Variants in TCP11L2 observed in about 807,000 individuals in gnomAD.
TCP11L2 encodes the protein T-complex protein 11-like protein 2.
In TCP11L2, 39 loss-of-function variants were observed where a neutral mutation model predicts 50.7. The ratio of observed to expected loss-of-function variants is 0.77; its 90% CI spans 0.60 to 1.01. TCP11L2 has a LOEUF of 1.01. Ranked by LOEUF, TCP11L2 falls within the 50% of genes least tolerant of loss-of-function variation. TCP11L2 has a pLI of 0.00. For missense variants in TCP11L2, 612 were observed against 614.7 expected, an observed-to-expected ratio of 1.00 and a Z score of 0.05; for synonymous variants, 192 against 219.3, an observed-to-expected ratio of 0.88 and a Z score of 1.10.
intron 1 of TCP11L2, chr12:106,303,692 A>C (rs1198938643): frequency 6.6e-6 from 1 of 152,236 alleles, no homozygotes; most frequent in Non-Finnish European, 1.5e-5. Context: ...GAACATAGTT[A>C]CTTGTTTTCG....
At chr12:106,321,089 G>GA (rs1264202853) in intron 4 of TCP11L2, among the ~76,000 whole-genome samples, 2 of 152,180 alleles carry the variant, frequency 1.3e-5, no homozygotes, top group African/African-American at 2.4e-5. Context: ...ATATGCCATA[G>GA]AAACTTAACC....
At chr12:106,326,081 C>A (rs2136736208) in intron 6 of TCP11L2, among the ~76,000 whole-genome samples, 1 of 152,242 alleles carries the variant, frequency 6.6e-6, no homozygotes, top group South Asian at 2.1e-4. Flanking sequence ...CTGCAAGAGG[C>A]TGGCTAACTG....
chr12:106,316,420 T>C (rs1209777424), intron 3 of TCP11L2, among the ~76,000 whole-genome samples: 1 of 152,130 alleles, frequency 6.6e-6, no homozygotes, highest in Non-Finnish European at 1.5e-5. Context: ...CCCTCCTGCT[T>C]GCTGTGCTTC....
upstream of TCP11L2, among the ~76,000 whole-genome samples, chr12:106,300,493 C>G (rs1469464172): frequency 6.6e-6 from 1 of 152,132 alleles, no homozygotes; most frequent in African/African-American, 2.4e-5. Context: ...CCACGCCCAG[C>G]TAATTTTTTT....
intron 6 of TCP11L2, chr12:106,329,700 T>G (rs1209040226): frequency 9.0e-7 from 1 of 1,114,134 alleles, no homozygotes; most frequent in Non-Finnish European, 1.1e-6. Flanking sequence ...CTAAATGGGC[T>G]CTTAAATGTG....
At chr12:106,317,506 ACT>A (rs1257889443) in intron 3 of TCP11L2, among the ~76,000 whole-genome samples, 3 of 152,120 alleles carry the variant, frequency 2.0e-5, no homozygotes, top group Non-Finnish European at 4.4e-5. Flanking sequence ...ACAGAGTGAG[ACT>A]CTGTCTCAGA....
chr12:106,328,900 C>T (rs1421507708), intron 6 of TCP11L2, among the ~76,000 whole-genome samples: 2 of 152,166 alleles, frequency 1.3e-5, no homozygotes, highest in African/African-American at 2.4e-5. Flanking sequence ...ACACTCTCAC[C>T]ACTCAGATCC....
chr12:106,304,608 A>G (rs904675708), intron 1 of TCP11L2, among the ~76,000 whole-genome samples: 1 of 152,012 alleles, frequency 6.6e-6, no homozygotes, highest in Non-Finnish European at 1.5e-5. Context: ...TCCCTTTACT[A>G]CACATATGTG....
intron 9 of TCP11L2, 22 bp downstream of exon 9, chr12:106,341,020 T>C: frequency 6.3e-7 from 1 of 1,581,350 alleles, no homozygotes; most frequent in Non-Finnish European, 8.6e-7. Flanking sequence ...TATTGATTTC[T>C]GCTTCAATTC....
At chr12:106,335,565 C>T in intron 6 of TCP11L2, 74 bp from the exon 7 acceptor site, 2 of 1,476,318 alleles carry the variant, frequency 1.4e-6, no homozygotes, top group Non-Finnish European at 1.9e-6. Context: ...CCCAACACAG[C>T]ATCTGTCAAG....
intron 6 of TCP11L2, chr12:106,329,641 G>T (rs1025270388): frequency 9.2e-5 from 118 of 1,284,904 alleles, no homozygotes; most frequent in Non-Finnish European, 1.2e-4. Context: ...TCTAAAGTCA[G>T]CCAGGATTGA....
intron 8 of TCP11L2, 117 bp downstream of exon 8, chr12:106,336,330 G>A: frequency 1.1e-6 from 1 of 926,716 alleles, no homozygotes; most frequent in East Asian, 2.7e-5. Context: ...CTTTAGAGAA[G>A]CTTATCTTAC....
upstream of TCP11L2, among the ~76,000 whole-genome samples, chr12:106,298,711 T>C (rs1278568577): frequency 6.6e-6 from 1 of 151,748 alleles, no homozygotes; most frequent in Non-Finnish European, 1.5e-5. Context: ...TTAGTAGAGA[T>C]GAGGTTTTGC....
At chr12:106,325,898 A>AAG (rs1264178352) in intron 6 of TCP11L2, 1 of 151,116 alleles carries the variant, frequency 6.6e-6, no homozygotes, top group East Asian at 1.9e-4. Flanking sequence ...CTCGGAAAAA[A>AAG]AAAAAAAAAA....
chr12:106,310,951 G>T, intron 1 of TCP11L2, 90 bp from the exon 2 acceptor site: 1 of 1,199,690 alleles, frequency 8.3e-7, no homozygotes, highest in African/African-American at 1.5e-5. Context: ...AGTGACACTT[G>T]TGGGGACAGT....
upstream of TCP11L2, among the ~76,000 whole-genome samples, chr12:106,302,489 G>T (rs2034454225): frequency 6.7e-6 from 1 of 150,052 alleles, no homozygotes; most frequent in African/African-American, 2.5e-5. Context: ...TCGGCTCGGC[G>T]GCCTCAGTTC....
intron 6 of TCP11L2, among the ~76,000 whole-genome samples, chr12:106,331,358 C>A (rs946507421): frequency 2.0e-5 from 3 of 151,948 alleles, no homozygotes; most frequent in African/African-American, 7.3e-5. Context: ...GCCAAGTTCC[C>A]AAAAAAGCTC....
At chr12:106,318,918 T>C (rs1441828555) in intron 4 of TCP11L2, among the ~76,000 whole-genome samples, 2 of 151,492 alleles carry the variant, frequency 1.3e-5, no homozygotes, top group Non-Finnish European at 2.9e-5. Context: ...TTTTTTATTT[T>C]TTTTGAGACG....
Position 106,314,390 on chromosome 12 carries a change from G to T in TCP11L2, c.190G>T (p.Glu64Ter), listed in dbSNP as rs1404089341. The T allele has an allele frequency of 6.2e-7, 1 of 1,612,438 alleles. No individual in the cohort carries two copies. Among genetic ancestry groups the T allele is most frequent in the East Asian group, 2.2e-5 (1 of 44,816 alleles). Residue 64 changes from glutamate to a stop codon, truncating the protein, a stop_gained, in exon 3 of 10, where the codon GAA (glutamate) becomes TAA (stop). Transcript: ENST00000299045. LOFTEE classifies it high-confidence loss of function. ...CCCTCCAAGGGTTGTAACATTTGAT[G>T]AAGTGATGGCTACAGCAAGGAACTT... Reference protein sequence around the residue: ...TSPPRVVTFDEVMATARNLSN... With the variant: ...TSPPRVVTFD
Sources: gnomAD v4.1 joint callset for allele counts (sites outside exome capture counted in the v4.1 genomes callset) on GRCh38, gnomAD v4.1.1 for gene constraint, MANE v1.5 for transcripts, NCBI Gene and HGNC (gene_info 2026-07-23, HGNC 2026-07-21) for gene names.